SLC44A5: variants seen among roughly 807,000 people sequenced by gnomAD.
SLC44A5 encodes the protein choline transporter-like protein 5.
In SLC44A5, 57 loss-of-function variants were observed where a neutral mutation model predicts 101.8. The observed-to-expected ratio is 0.56, with a 90% CI of 0.45 to 0.70. SLC44A5 has a LOEUF of 0.70. Among genes scored for constraint, SLC44A5 ranks in the 30% least tolerant of loss-of-function variants. The pLI is 0.00. For missense variants in SLC44A5, 737 were observed against 853.1 expected (o/e 0.86, Z 1.70); for synonymous variants, 281 against 290.9 (o/e 0.97, Z 0.35).
chr1:75,334,896 G>A (rs1255352054), intron 4 of SLC44A5, among the ~76,000 whole-genome samples: 1 of 152,150 alleles, frequency 6.6e-6, no homozygotes, highest in Non-Finnish European at 1.5e-5. Flanking sequence ...CTTCCTTGGT[G>A]CTCCAAGAGT....
the SLC44A5 span, among the ~76,000 whole-genome samples, chr1:75,698,673 GAGA>G: frequency 2.0e-5 from 3 of 152,238 alleles, no homozygotes; most frequent in Admixed American, 6.5e-5. Context: ...GACGAGCTGA[GAGA>G]AGAAGGCTTC....
rs780012576 is a variant in SLC44A5, at chr1:75,234,101, A to AG, written c.741-4dup. 70 of 1,607,600 alleles carry AG rather than the reference A, an allele frequency of 4.4e-5. 1 individual carries two copies. The South Asian group carries it at 7.4e-4, about 17-fold the overall frequency. ...GGACCATGGCAATCGTCAGGCCACT[A>AG]GAAAAAACCCACAACAAACACAGTG... On this transcript the variant is annotated splice_region_variant and splice_polypyrimidine_tract_variant and intron_variant, in intron 11 of 23. Coordinates refer to ENST00000370859, the MANE Select transcript of SLC44A5 (RefSeq NM_001130058.2).
chr1:75,383,334 G>T (rs1387103736), intron 3 of SLC44A5, among the ~76,000 whole-genome samples: 2 of 140,026 alleles, frequency 1.4e-5, no homozygotes, highest in African/African-American at 2.7e-5. Flanking sequence ...TATGCTGAAC[G>T]CTGGTTCCCC....
In SLC44A5 at chr1:75,552,181, G is replaced by C. The variant is rs140438479; in HGVS notation, c.-69-10665C>G. Reference sequence around the variant, plus strand: ...AGCCACTTAACCTTTCTACATGTCTGTGTCTCATTAGTCAGCAAACGTGCC... The same window carrying C: ...AGCCACTTAACCTTTCTACATGTCTCTGTCTCATTAGTCAGCAAACGTGCC... On this transcript the variant is annotated intron_variant, in intron 1 of 23. Transcript: ENST00000370859. Among the ~76,000 whole-genome samples the C allele has an allele frequency of 5.7e-3, 868 of 152,184 alleles. 15 individuals are homozygous for C. The highest frequency in any genetic ancestry group is 0.035 in the Admixed American group (532 of 15,248).
At chr1:75,533,423 C>T (rs1489303537) in intron 2 of SLC44A5, among the ~76,000 whole-genome samples, 1 of 152,074 alleles carries the variant, frequency 6.6e-6, no homozygotes, top group Non-Finnish European at 1.5e-5. Flanking sequence ...TTACAAATAA[C>T]CCATTAAGGC....
chr1:75,316,322 C>T lies in SLC44A5; in HGVS notation c.102-15637G>A, dbSNP rs551028579. ...TTTCATATGGCTCAACTAATAATGG[C>T]TATCTGCCTTGAAAGCTCTCTCACC... is the stretch of plus-strand genomic sequence containing the variant. On this transcript the variant is annotated intron_variant, in intron 4 of 23. Transcript: ENST00000370859. 2.0e-5 allele frequency among the ~76,000 whole-genome samples: 3 copies of T among 152,278 alleles called. No homozygotes were observed. The South Asian group carries it at 6.2e-4, about 32-fold the overall frequency.
chr1:75,272,372 A>G (rs1651553771), intron 6 of SLC44A5, among the ~76,000 whole-genome samples: 2 of 149,822 alleles, frequency 1.3e-5, no homozygotes, highest in African/African-American at 2.5e-5. Flanking sequence ...TTCTCACAAG[A>G]TAGATATTGT....
At chr1:75,256,808 C>CA (rs1262361674) in intron 6 of SLC44A5, among the ~76,000 whole-genome samples, 1 of 152,056 alleles carries the variant, frequency 6.6e-6, no homozygotes. Flanking sequence ...AGAGGTATTG[C>CA]ATACTATTTA....
At chr1:75,539,084 A>G (rs974115317) in intron 2 of SLC44A5, among the ~76,000 whole-genome samples, 1 of 152,176 alleles carries the variant, frequency 6.6e-6, no homozygotes, top group Non-Finnish European at 1.5e-5. Flanking sequence ...GTGGACACCA[A>G]AACTTAAATA....
chr1:75,342,512 C>T (rs1480852808), intron 3 of SLC44A5, among the ~76,000 whole-genome samples: 6 of 150,388 alleles, frequency 4.0e-5, no homozygotes, highest in Non-Finnish European at 4.4e-5. Context: ...TAACAAGAGG[C>T]GGAGGTGGCA....
At chr1:75,402,349 T>C (rs1662538163) in intron 2 of SLC44A5, 2 of 267,832 alleles carry the variant, frequency 7.5e-6, no homozygotes, top group Non-Finnish European at 1.6e-5. Flanking sequence ...ACGGGGTTTT[T>C]TAAGAAACAG....
chr1:75,592,835 C>T (rs1674426707), intron 1 of SLC44A5, among the ~76,000 whole-genome samples: 2 of 152,078 alleles, frequency 1.3e-5, no homozygotes, highest in South Asian at 2.1e-4. Flanking sequence ...ACCATACACA[C>T]AAATCAAATC....
the SLC44A5 span, among the ~76,000 whole-genome samples, chr1:75,721,841 A>G: frequency 1.3e-5 from 2 of 152,384 alleles, no homozygotes; most frequent in East Asian, 1.9e-4. Flanking sequence ...AAAGAAAGTT[A>G]AAGCCCAACT....
chr1:75,300,014 C>CAAAAAAAAAA (rs35608663), intron 5 of SLC44A5, among the ~76,000 whole-genome samples: 79 of 93,764 alleles, frequency 8.4e-4, no homozygotes, highest in African/African-American at 4.2e-3. Context: ...GACTCTGTCT[C>CAAAAAAAAAA]AAAAAAAAAA....
intron 5 of SLC44A5, among the ~76,000 whole-genome samples, chr1:75,284,321 A>C (rs549617117): frequency 5.5e-4 from 84 of 152,262 alleles, no homozygotes; most frequent in Non-Finnish European, 9.7e-4. Flanking sequence ...TGTGTATAGC[A>C]GTGCTACTAA....
intron 2 of SLC44A5, among the ~76,000 whole-genome samples, chr1:75,536,276 T>TA (rs1319759005): frequency 1.3e-5 from 2 of 151,864 alleles, no homozygotes; most frequent in Non-Finnish European, 2.9e-5. Flanking sequence ...GAGGATTACA[T>TA]AAAAAACACG....
At chr1:75,282,449 G>A (rs141875628) in intron 5 of SLC44A5, among the ~76,000 whole-genome samples, 341 of 152,278 alleles carry the variant, frequency 2.2e-3, no homozygotes, top group African/African-American at 7.7e-3. Flanking sequence ...GATGAAATGA[G>A]TTAAGACTTT....
chr1:75,220,526 G>T (rs573744994), intron 14 of SLC44A5, among the ~76,000 whole-genome samples: 2 of 151,884 alleles, frequency 1.3e-5, no homozygotes, highest in South Asian at 4.2e-4. Context: ...GCAGTTAAAT[G>T]TATTTTTAAA....
At chr1:75,347,740 GC>G (rs1453629970) in intron 3 of SLC44A5, among the ~76,000 whole-genome samples, 1 of 151,614 alleles carries the variant, frequency 6.6e-6, no homozygotes, top group African/African-American at 2.4e-5. Context: ...AGAAATAGAT[GC>G]CTAGAGCTGA....
Sources: allele counts gnomAD v4.1 joint callset (sites outside exome capture counted in the v4.1 genomes callset), GRCh38; gene constraint gnomAD v4.1.1; transcripts MANE v1.5; gene names NCBI Gene and HGNC (gene_info 2026-07-23, HGNC 2026-07-21).